Variants in EPB41L2 observed in about 807,000 individuals in gnomAD.
The protein encoded by EPB41L2 is erythrocyte membrane protein band 4.1 like 2.
A neutral mutation model predicts 113.0 loss-of-function variants in EPB41L2; 43 were observed. The observed-to-expected ratio is 0.38, with a 90% CI of 0.30 to 0.49. The LOEUF is 0.49. EPB41L2 is among the 20% of genes least tolerant of loss of function. EPB41L2 has a pLI of 0.95. For missense variants in EPB41L2, 1,147 were observed against 1,223.4 expected (o/e 0.94, Z 0.93); for synonymous variants, 442 against 436.7 (o/e 1.01, Z -0.15).
chr6:130,842,989 T>C lies in EPB41L2; in HGVS notation c.*6-2391A>G, dbSNP rs148599235. Among the ~76,000 whole-genome samples the C allele has an allele frequency of 5.3e-3, 785 of 148,438 alleles. 11 individuals carry two copies. The highest frequency in any genetic ancestry group is 0.019 in the African/African-American group (748 of 39,930). ...ATGTTAAAACTTATTTATTTTCTCA[T>C]TCTTTAAAAATCAGTAAATCAAGTT... On this transcript the variant is annotated intron_variant, in intron 19 of 19. Coordinates refer to ENST00000337057, the MANE Select transcript of EPB41L2 (RefSeq NM_001431.4).
At chr6:130,842,972 A>G (rs1775969361) in intron 19 of EPB41L2, among the ~76,000 whole-genome samples, 1 of 152,034 alleles carries the variant, frequency 6.6e-6, no homozygotes, top group South Asian at 2.1e-4. Context: ...TAATGTTAAA[A>G]CTTATTTATT....
At chr6:131,059,347 C>A (rs1055989784) in intron 1 of EPB41L2, among the ~76,000 whole-genome samples, 17 of 152,196 alleles carry the variant, frequency 1.1e-4, no homozygotes, top group African/African-American at 4.1e-4. Flanking sequence ...ATCTCCTGAC[C>A]TCATGATCCA....
chr6:131,057,267 T>C (rs1210028323), intron 1 of EPB41L2, among the ~76,000 whole-genome samples: 2 of 151,758 alleles, frequency 1.3e-5, no homozygotes, highest in Non-Finnish European at 2.9e-5. Flanking sequence ...CACACAGGAG[T>C]GCATGCACAT....
rs866964408 is a variant in EPB41L2, at chr6:130,899,581, G to A, written c.1149-3C>T. ...CAGCTTGTGCTGGCGATAAGCCCCT[G>A]AGAATCAAAAGAAACAGTATTATCT... On this transcript the variant is annotated splice_region_variant and splice_polypyrimidine_tract_variant and intron_variant, in intron 7 of 19. Transcript: ENST00000337057. 6.2e-7 allele frequency: 1 copy of A among 1,613,096 alleles called. No individual in the cohort carries two copies.
intron 19 of EPB41L2, among the ~76,000 whole-genome samples, chr6:130,845,824 A>C (rs1776884486): frequency 6.6e-6 from 1 of 152,150 alleles, no homozygotes; most frequent in African/African-American, 2.4e-5. Flanking sequence ...CTGTGTGATG[A>C]AATGGGAAGT....
Position 130,997,804 on chromosome 6 carries a change from T to C in EPB41L2, c.-14-41305A>G, listed in dbSNP as rs544744751. ...ACAAAACAGAGCTAAACATGGAGAA[T>C]GACAGTCTGTAGGGAAGAATTAAAA... On this transcript the variant is annotated intron_variant, in intron 1 of 19. Transcript: ENST00000337057. 6.6e-5 allele frequency among the ~76,000 whole-genome samples: 10 copies of C among 152,244 alleles called. No homozygotes were observed. In the East Asian group the frequency reaches 1.4e-3, roughly 21 times the overall value.
chr6:130,947,117 T>C (rs973665809), intron 3 of EPB41L2, among the ~76,000 whole-genome samples: 1 of 146,386 alleles, frequency 6.8e-6, no homozygotes, highest in African/African-American at 2.6e-5. Context: ...TGTATACCAA[T>C]GACTTTACAA....
At chr6:130,916,537 G>A (rs565017320) in intron 4 of EPB41L2, among the ~76,000 whole-genome samples, 3 of 152,208 alleles carry the variant, frequency 2.0e-5, no homozygotes, top group South Asian at 2.1e-4. Context: ...TTTGGGGAAC[G>A]GCCTAACTCT....
At chr6:130,916,623 C>G (rs145305596) in intron 4 of EPB41L2, among the ~76,000 whole-genome samples, 1 of 152,140 alleles carries the variant, frequency 6.6e-6, no homozygotes, top group African/African-American at 2.4e-5. Context: ...CCCCTCCTCC[C>G]GTGGCTTTCA....
intron 18 of EPB41L2, among the ~76,000 whole-genome samples, chr6:130,862,013 G>C (rs1782276693): frequency 6.6e-6 from 1 of 152,124 alleles, no homozygotes; most frequent in African/African-American, 2.4e-5. Flanking sequence ...TACTGTCCTT[G>C]CAACAGCAGC....
chr6:130,979,056 CACCCAAATA>C (rs1363893945), intron 1 of EPB41L2, among the ~76,000 whole-genome samples: 5 of 152,286 alleles, frequency 3.3e-5, no homozygotes, highest in South Asian at 2.1e-4. Context: ...AGGGAAGCAA[CACCCAAATA>C]ATGCATGATC....
At chr6:130,911,929 G>A (rs556041287) in intron 4 of EPB41L2, among the ~76,000 whole-genome samples, 9 of 152,230 alleles carry the variant, frequency 5.9e-5, no homozygotes, top group African/African-American at 1.4e-4. Flanking sequence ...GACTGGTACC[G>A]ATCGTGGCCT....
chr6:130,981,491 A>G lies in EPB41L2; in HGVS notation c.-14-24992T>C, dbSNP rs544124971. Among the ~76,000 whole-genome samples the G allele has an allele frequency of 2.6e-3, 402 of 152,344 alleles. 4 individuals are homozygous for G. The highest frequency in any genetic ancestry group is 3.7e-3 in the Non-Finnish European group (251 of 68,028). On this transcript the variant is annotated intron_variant, in intron 1 of 19. Transcript: ENST00000337057. ...AGACCACCATCACCACCAGAACTCC[A>G]TAAGAATATGTGAAAGGTTATAAAA...
intron 1 of EPB41L2, among the ~76,000 whole-genome samples, chr6:131,020,277 T>G (rs1258485556): frequency 6.6e-6 from 1 of 152,206 alleles, no homozygotes; most frequent in Non-Finnish European, 1.5e-5. Flanking sequence ...ATTAACTCCC[T>G]CATATTTATG....
At chr6:130,890,916 T>C (rs116458194) in intron 10 of EPB41L2, among the ~76,000 whole-genome samples, 1,672 of 152,314 alleles carry the variant, frequency 0.011, 39 homozygotes, top group African/African-American at 0.038. Flanking sequence ...TTCTTTCCCA[T>C]GAAGAACATG....
chr6:131,012,593 C>T (rs148141488), intron 1 of EPB41L2, among the ~76,000 whole-genome samples: 4 of 150,890 alleles, frequency 2.7e-5, no homozygotes, highest in African/African-American at 9.8e-5. Context: ...AAAGATTATG[C>T]CATATTGGTC....
intron 1 of EPB41L2, among the ~76,000 whole-genome samples, chr6:131,051,651 T>C (rs909369924): frequency 1.3e-5 from 2 of 152,152 alleles, no homozygotes; most frequent in African/African-American, 2.4e-5. Flanking sequence ...GGAAAAGCCC[T>C]GAGAGCCTGA....
At chr6:130,842,374 G>A (rs911435127) in intron 19 of EPB41L2, among the ~76,000 whole-genome samples, 7 of 152,120 alleles carry the variant, frequency 4.6e-5, no homozygotes, top group African/African-American at 1.7e-4. Flanking sequence ...GGATGATGAA[G>A]GGAAATGGAT....
At chr6:131,047,033 C>T (rs114162857) in intron 1 of EPB41L2, among the ~76,000 whole-genome samples, 62 of 152,242 alleles carry the variant, frequency 4.1e-4, no homozygotes, top group African/African-American at 1.4e-3. Context: ...TGGGTTCAAA[C>T]CGCTGCTCCA....
Sources: allele counts gnomAD v4.1 joint callset (sites outside exome capture counted in the v4.1 genomes callset), GRCh38; gene constraint gnomAD v4.1.1; transcripts MANE v1.5; gene names NCBI Gene and HGNC (gene_info 2026-07-23, HGNC 2026-07-21).